The following XIRP2 variants were observed in gnomAD, a reference collection of about 807,000 sequenced individuals.
XIRP2 encodes xin actin-binding repeat-containing protein 2.
XIRP2 carries 236 observed loss-of-function variants against 277.0 expected under a neutral mutation model. The observed-to-expected ratio is 0.85, with a 90% confidence interval of 0.77 to 0.95. The LOEUF is 0.95. Ranked by LOEUF, XIRP2 falls within the 40% of genes least tolerant of loss-of-function variation. XIRP2 has a pLI of 0.00. For synonymous variants in XIRP2, 1,490 were observed against 1,416.5 expected (o/e 1.05, Z -1.17); for missense variants, 4,640 against 4,157.5 (o/e 1.12, Z -3.19).
Position 167,248,362 on chromosome 2 carries a change from G to C in XIRP2, c.6970G>C (p.Gly2324Arg), listed in dbSNP as rs764077099. ...PPLMMFPEKN[G>R]FLPSLSTEKI... ...TTTGATGATGTTTCCTGAAAAAAAT[G>C]GGTTTCTTCCCTCACTGTCCACAGA... is the stretch of plus-strand genomic sequence containing the variant. Residue 2324 changes from glycine to arginine, a missense_variant, in exon 9 of 11, where the codon GGG becomes CGG. Physicochemically the swap from Gly to Arg is moderately radical, Grantham distance 125. Coordinates refer to ENST00000409195, the MANE Select transcript of XIRP2 (RefSeq NM_152381.6). The C allele has an allele frequency of 6.2e-7, 1 of 1,613,506 alleles. No homozygotes were observed. The highest frequency in any genetic ancestry group is 8.5e-7 in the Non-Finnish European group (1 of 1,179,762).
chr2:167,081,783 T>C (rs952962780), intron 2 of XIRP2, among the ~76,000 whole-genome samples: 4 of 152,172 alleles, frequency 2.6e-5, no homozygotes, highest in African/African-American at 9.7e-5. Context: ...TGATGTATGA[T>C]TTCCTTTGAA....
chr2:167,027,451 A>T (rs1342320421), intron 2 of XIRP2, among the ~76,000 whole-genome samples: 1 of 152,024 alleles, frequency 6.6e-6, no homozygotes, highest in Non-Finnish European at 1.5e-5. Flanking sequence ...ATTGGTTTGA[A>T]TTTCCTCCTG....
rs141629157 is a variant in XIRP2, at chr2:167,208,925, C to G, written c.563-1810C>G. On this transcript the variant is annotated intron_variant, in intron 3 of 10. Coordinates refer to ENST00000409195, the MANE Select transcript of XIRP2 (RefSeq NM_152381.6). ...TAAGAACAGCACAGCTGAATGTACA[C>G]TGAATTCATCTGTGCAGATAGAGAA... 5.3e-3 allele frequency among the ~76,000 whole-genome samples: 810 copies of G among 152,266 alleles called. 2 individuals carry two copies. Among genetic ancestry groups the G allele is most frequent in the African/African-American group, 0.018 (761 of 41,558 alleles).
chr2:167,249,673 A>T lies in XIRP2; in HGVS notation c.8281A>T (p.Ser2761Cys), dbSNP rs182858305. ...GAAAACTGAAGCAAGCACTGAATGT[A>T]GTCATAAGCAATCTCTGGCTGAAAG... ...TKKTEASTEC[S>C]HKQSLAERHY... The change falls in exon 9 of 11, where the codon AGT (serine) becomes TGT (cysteine). Residue 2761 changes from serine (S) to cysteine (C), a missense_variant. Ser to Cys is a moderately radical substitution (Grantham distance 112). Coordinates refer to ENST00000409195, the MANE Select transcript of XIRP2 (RefSeq NM_152381.6). 1 of 1,613,436 alleles carries T rather than the reference A, an allele frequency of 6.2e-7. No homozygotes were observed. The highest frequency in any genetic ancestry group is 8.5e-7 in the Non-Finnish European group (1 of 1,179,766).
rs559480150 is a variant in XIRP2 at position 166,931,282 on chromosome 2, G to A, written c.408+27392G>A. Among the ~76,000 whole-genome samples, 6 of 152,210 alleles carry A rather than the reference G, an allele frequency of 3.9e-5. No homozygotes were observed. The East Asian group carries it at 1.2e-3, about 29-fold the overall frequency. On this transcript the variant is annotated intron_variant, in intron 2 of 10. Coordinates refer to ENST00000409195, the MANE Select transcript of XIRP2 (RefSeq NM_152381.6). ...CAGATGTGCCTCTTATTTTGAAGTGGTTAATTTGCATACAGTGAGATGTAC... is the reference window on the plus strand; with the variant it reads ...CAGATGTGCCTCTTATTTTGAAGTGATTAATTTGCATACAGTGAGATGTAC...
At chr2:167,125,951 C>T (rs116428466) in intron 2 of XIRP2, among the ~76,000 whole-genome samples, 3,166 of 152,238 alleles carry the variant, frequency 0.021, 53 homozygotes, top group Non-Finnish European at 0.028. Flanking sequence ...CATCCAATAT[C>T]CTCCAGGCAG....
chr2:167,129,454 C>T (rs564529658), intron 2 of XIRP2, among the ~76,000 whole-genome samples: 2 of 152,164 alleles, frequency 1.3e-5, no homozygotes, highest in Non-Finnish European at 1.5e-5. Context: ...TTTTAGGGGA[C>T]TCTACAGCTC....
rs764302045 is a variant in XIRP2 at position 167,246,721 on chromosome 2, G to A, written c.5329G>A (p.Glu1777Lys). Residue 1777 changes from glutamate to lysine, a missense_variant, in exon 9 of 11, where the codon GAG (glutamate) becomes AAG (lysine). By Grantham distance (56) the Glu-to-Lys change is moderately conservative. Coordinates refer to ENST00000409195, the MANE Select transcript of XIRP2 (RefSeq NM_152381.6). ...ETLTAKKQEG[E>K]KEIIGGDVEG... ...ACTGACAGCTAAGAAACAAGAAGGA[G>A]AGAAAGAAATCATTGGTGGTGATGT... is the stretch of plus-strand genomic sequence containing the variant. The A allele has an allele frequency of 1.2e-6, 2 of 1,613,746 alleles. No homozygotes were observed. The highest frequency in any genetic ancestry group is 2.2e-5 in the East Asian group (1 of 44,828).
At chr2:167,039,880 A>C (rs772316751) in intron 2 of XIRP2, among the ~76,000 whole-genome samples, 4 of 152,226 alleles carry the variant, frequency 2.6e-5, no homozygotes, top group Admixed American at 6.5e-5. Flanking sequence ...TTTCACAATA[A>C]TTTTACATAT....
At chr2:166,941,268 T>A (rs1685706448) in intron 2 of XIRP2, among the ~76,000 whole-genome samples, 2 of 152,246 alleles carry the variant, frequency 1.3e-5, no homozygotes, top group African/African-American at 4.8e-5. Flanking sequence ...AATCTCCTGG[T>A]GTGCCATTTG....
intron 3 of XIRP2, among the ~76,000 whole-genome samples, chr2:167,164,335 AC>A (rs1216807783): frequency 6.6e-6 from 1 of 150,908 alleles, no homozygotes; most frequent in African/African-American, 2.4e-5. Flanking sequence ...AGTCCCAGCT[AC>A]TCGGGAGGCT....
At chr2:167,051,696 T>A (rs2105535916) in intron 2 of XIRP2, among the ~76,000 whole-genome samples, 1 of 152,220 alleles carries the variant, frequency 6.6e-6, no homozygotes, top group Admixed American at 6.5e-5. Flanking sequence ...TATATTTACC[T>A]TTTTGGTCTA....
intron 2 of XIRP2, among the ~76,000 whole-genome samples, chr2:167,023,932 G>A (rs1011761403): frequency 1.6e-4 from 24 of 152,162 alleles, no homozygotes; most frequent in Middle Eastern, 3.4e-3. Flanking sequence ...TTGACTTGGT[G>A]ATGCGGGCTC....
intron 3 of XIRP2, among the ~76,000 whole-genome samples, chr2:167,181,427 T>C (rs1189371039): frequency 6.6e-6 from 1 of 152,198 alleles, no homozygotes; most frequent in African/African-American, 2.4e-5. Flanking sequence ...TTTCAGCATA[T>C]CTTCTCCAAC....
intron 3 of XIRP2, among the ~76,000 whole-genome samples, chr2:167,141,788 G>A (rs1332492213): frequency 6.6e-6 from 1 of 152,106 alleles, no homozygotes; most frequent in Non-Finnish European, 1.5e-5. Flanking sequence ...TTGAGTCCTG[G>A]AGTTCAAGGT....
intron 4 of XIRP2, among the ~76,000 whole-genome samples, chr2:167,214,931 T>G (rs977196897): frequency 6.6e-6 from 1 of 152,166 alleles, no homozygotes; most frequent in Non-Finnish European, 1.5e-5. Context: ...AGAATTGATC[T>G]TTTTGTGAAA....
At chr2:167,185,296 T>C (rs1436217634) in intron 3 of XIRP2, among the ~76,000 whole-genome samples, 1 of 152,142 alleles carries the variant, frequency 6.6e-6, no homozygotes, top group African/African-American at 2.4e-5. Flanking sequence ...TCCACCAAGG[T>C]TTCTTTTCCT....
chr2:167,252,084 T>C (rs1695528096), intron 9 of XIRP2, 137 bp downstream of exon 9: 4 of 1,334,664 alleles, frequency 3.0e-6, no homozygotes, highest in Non-Finnish European at 4.0e-6. Context: ...TTCCCATGTA[T>C]GCTTATAGAC....
chr2:167,077,638 A>C (rs1043764093), intron 2 of XIRP2, among the ~76,000 whole-genome samples: 3 of 152,178 alleles, frequency 2.0e-5, no homozygotes, highest in African/African-American at 7.2e-5. Flanking sequence ...GAAAGTCTTA[A>C]AGAAGTAAGT....
Sources: allele counts gnomAD v4.1 joint callset (sites outside exome capture counted in the v4.1 genomes callset), GRCh38; gene constraint gnomAD v4.1.1; transcripts MANE v1.5; gene names NCBI Gene and HGNC (gene_info 2026-07-23, HGNC 2026-07-21).